ABCD3: variants seen among roughly 807,000 people sequenced by gnomAD.
ABCD3 encodes ATP-binding cassette sub-family D member 3.
ABCD3 carries 41 observed loss-of-function variants against 105.5 expected under a neutral mutation model. The observed-to-expected ratio is 0.39, with a 90% CI of 0.30 to 0.50. ABCD3 has a LOEUF of 0.50. Ranked by LOEUF, ABCD3 falls within the 20% of genes least tolerant of loss-of-function variation. The pLI is 0.84. For synonymous variants in ABCD3, 258 were observed against 269.0 expected (o/e 0.96, Z 0.40); for missense variants, 622 against 806.3 (o/e 0.77, Z 2.77).
intron 1 of ABCD3, among the ~76,000 whole-genome samples, chr1:94,428,376 G>A (rs1659549262): frequency 6.6e-6 from 1 of 152,012 alleles, no homozygotes; most frequent in African/African-American, 2.4e-5. Context: ...ACATTTATTG[G>A]CATTAAAAAG....
intron 16 of ABCD3, among the ~76,000 whole-genome samples, chr1:94,493,502 A>G (rs1649636496): frequency 6.6e-6 from 1 of 151,568 alleles, no homozygotes; most frequent in African/African-American, 2.4e-5. Flanking sequence ...GTGGGACTGT[A>G]AACTAGTTCA....
the ABCD3 span, among the ~76,000 whole-genome samples, chr1:94,395,864 A>G: frequency 6.6e-6 from 1 of 151,952 alleles, no homozygotes; most frequent in Non-Finnish European, 1.5e-5. Flanking sequence ...ACAAAGAGAC[A>G]CACAGAGAGA....
At chr1:94,455,084 A>G (rs186658334) in intron 1 of ABCD3, among the ~76,000 whole-genome samples, 3 of 152,306 alleles carry the variant, frequency 2.0e-5, no homozygotes, top group African/African-American at 7.2e-5. Flanking sequence ...TTGTGTTTAA[A>G]TGGTTGCTAA....
At chr1:94,476,625 A>T (rs758376287) in intron 7 of ABCD3, among the ~76,000 whole-genome samples, 1 of 152,216 alleles carries the variant, frequency 6.6e-6, no homozygotes, top group African/African-American at 2.4e-5. Flanking sequence ...ACTGGGTCAC[A>T]TTGTAAGAAT....
intron 1 of ABCD3, among the ~76,000 whole-genome samples, chr1:94,423,996 C>T (rs1659370071): frequency 6.6e-6 from 1 of 152,182 alleles, no homozygotes; most frequent in Non-Finnish European, 1.5e-5. Flanking sequence ...GCTAGAGCGG[C>T]TTGAGACCCT....
At position 94,489,681 on chromosome 1, in the gene ABCD3, A is replaced by G. The variant is rs542375772; in HGVS notation, c.1158-44A>G. On this transcript the variant is annotated intron_variant, in intron 13 of 22. Transcript: ENST00000370214. ...TTTGTATAAAATAAAAGATGTGACA[A>G]TAGTCTGGAGTTTTGATTATGGTTT... The G allele has an allele frequency of 3.3e-5, 44 of 1,340,588 alleles. 1 individual carries two copies. The highest frequency in any genetic ancestry group is 2.3e-4 in the South Asian group (19 of 84,162). The allele number at this position is 1,340,588 out of a possible 1,614,324, so 83.0% of individuals were successfully genotyped here.
Position 94,517,276 on chromosome 1 carries a change from A to T in ABCD3, c.*147A>T. 1.6e-6 allele frequency: 1 copy of T among 640,492 alleles called. No individual in the cohort carries two copies. The highest frequency in any genetic ancestry group is 2.8e-5 in the East Asian group (1 of 35,388). 39.7% of individuals were successfully genotyped at this position (640,492 alleles called of 1,614,324 possible). On this transcript the variant is annotated 3_prime_UTR_variant, in exon 23 of 23. Transcript: ENST00000370214. Reference sequence around the variant, plus strand: ...ATTAACTAGATACAGAATAATGGAGAACAAGTTGTTAAAACATTTAATATT... The same window carrying T: ...ATTAACTAGATACAGAATAATGGAGTACAAGTTGTTAAAACATTTAATATT...
Position 94,418,525 on chromosome 1 carries a change from C to T in ABCD3, c.47C>T (p.Ala16Val), listed in dbSNP as rs1393271921. 5 of 1,605,632 alleles carry T rather than the reference C, an allele frequency of 3.1e-6. No homozygotes were observed. The highest frequency in any genetic ancestry group is 3.4e-6 in the Non-Finnish European group (4 of 1,179,258). Residue 16 changes from alanine to valine, a missense_variant, in exon 1 of 23, where the codon GCT (alanine) becomes GTT (valine). By Grantham distance (64) the Ala-to-Val change is moderately conservative. Transcript: ENST00000370214. ...KYLTARNSSL[A>V]GAAFLLLCLL... ...TTGACGGCGCGAAACTCCTCGCTGG[C>T]TGGTGCCGCGTTCCTGCTGCTCTGC...
chr1:94,401,661 G>C, the ABCD3 span, among the ~76,000 whole-genome samples: 2 of 152,202 alleles, frequency 1.3e-5, no homozygotes, highest in Admixed American at 6.5e-5. Flanking sequence ...AGGACATAAG[G>C]TTACAAGTAA....
chr1:94,389,573 A>G, the ABCD3 span, among the ~76,000 whole-genome samples: 4 of 152,200 alleles, frequency 2.6e-5, no homozygotes, highest in Non-Finnish European at 4.4e-5. Context: ...TCCATAATCT[A>G]TAGAAACAAT....
rs546388698 is a variant in ABCD3 at position 94,488,212 on chromosome 1, A to C, written c.1157+229A>C. Among the ~76,000 whole-genome samples the C allele has an allele frequency of 2.6e-5, 4 of 152,268 alleles. No homozygotes were observed. In the East Asian group the frequency reaches 7.7e-4, roughly 29 times the overall value. On this transcript the variant is annotated intron_variant, in intron 13 of 22. Transcript: ENST00000370214. The stretch of plus-strand genomic sequence containing the variant: ...TAGAGGCTGTCAAGTTGTTTGCTCC[A>C]TGGACACGTATTTGCTAAGTTGGGA...
chr1:94,441,557 C>G (rs1251282185), intron 1 of ABCD3, among the ~76,000 whole-genome samples: 1 of 152,062 alleles, frequency 6.6e-6, no homozygotes, highest in African/African-American at 2.4e-5. Flanking sequence ...TTGGGCATTT[C>G]TTGTTATTAC....
chr1:94,498,973 G>A lies in ABCD3; in HGVS notation c.1559G>A (p.Arg520Gln), dbSNP rs780619753. The A allele has an allele frequency of 5.6e-6, 9 of 1,613,642 alleles. No homozygotes were observed. In the South Asian group the frequency reaches 6.6e-5, roughly 12 times the overall value. ...CCTTACATGACCCTTGGAACACTTC[G>A]AGATCAAGTGATATATCCAGATGGA... ...QRPYMTLGTL[R>Q]DQVIYPDGRE... Residue 520 changes from arginine to glutamine, a missense_variant, in exon 19 of 23, where the codon CGA becomes CAA. Coordinates refer to ENST00000370214, the MANE Select transcript of ABCD3 (RefSeq NM_002858.4).
chr1:94,420,829 G>A lies in ABCD3; in HGVS notation c.110+2241G>A, dbSNP rs140574500. On this transcript the variant is annotated intron_variant, in intron 1 of 22. Transcript: ENST00000370214. ...CAGAACTGATTAATTTTAATATCTG[G>A]TGCTTAATTAAGGAAACTGTGGCTA... Among the ~76,000 whole-genome samples, 109 of 152,176 alleles carry A rather than the reference G, an allele frequency of 7.2e-4. 1 individual carries two copies. The East Asian group carries it at 0.016, about 23-fold the overall frequency.
In ABCD3 at chr1:94,487,677, T is replaced by TA; in HGVS notation, c.968-16dup. 1 of 1,613,756 alleles carries TA rather than the reference T, an allele frequency of 6.2e-7. No homozygotes were observed. The highest frequency in any genetic ancestry group is 1.1e-5 in the South Asian group (1 of 91,064). ...GAAATACTGTTACTGTTTTAAATCTTACCTGTTTGGTTTCAGACCTTGCCA... is the reference window on the plus strand; with the variant it reads ...GAAATACTGTTACTGTTTTAAATCTTAACCTGTTTGGTTTCAGACCTTGCCA... On this transcript the variant is annotated splice_polypyrimidine_tract_variant and intron_variant, in intron 11 of 22. Coordinates refer to ENST00000370214, the MANE Select transcript of ABCD3 (RefSeq NM_002858.4).
intron 8 of ABCD3, chr1:94,478,765 A>C: frequency 1.3e-6 from 1 of 755,740 alleles, no homozygotes; most frequent in Non-Finnish European, 1.8e-6. Context: ...CTAAAAAGAG[A>C]TATGGAGACA....
At chr1:94,501,174 T>A (rs1284996989) in intron 20 of ABCD3, among the ~76,000 whole-genome samples, 2 of 147,770 alleles carry the variant, frequency 1.4e-5, no homozygotes, top group East Asian at 4.0e-4. Flanking sequence ...GGCGGGAGAA[T>A]CACTTCAACC....
intron 8 of ABCD3, chr1:94,480,231 T>G (rs2101005714): frequency 7.2e-6 from 4 of 558,238 alleles, no homozygotes; most frequent in Admixed American, 6.3e-5. Flanking sequence ...GTGAGCAAAA[T>G]GTAGGAGAGC....
intron 1 of ABCD3, among the ~76,000 whole-genome samples, chr1:94,438,282 TCACACACACACACACACATA>T (rs1248689942): frequency 8.6e-6 from 1 of 116,534 alleles, no homozygotes; most frequent in Non-Finnish European, 1.8e-5. Context: ...CAAGACTCCA[TCACACACACACACACACATA>T]CACACACACA....
Sources: gnomAD v4.1 joint callset for allele counts (sites outside exome capture counted in the v4.1 genomes callset) on GRCh38, gnomAD v4.1.1 for gene constraint, MANE v1.5 for transcripts, NCBI Gene and HGNC (gene_info 2026-07-23, HGNC 2026-07-21) for gene names.